Variants in LONP1 observed in about 807,000 individuals in gnomAD.
The protein encoded by LONP1 is lon protease homolog, mitochondrial.
Under a neutral mutation model 98.5 loss-of-function variants are expected in LONP1, and 31 were observed. That is an observed-to-expected ratio of 0.31 (90% confidence interval 0.24 to 0.42). LONP1 has a LOEUF of 0.42. Among genes scored for constraint, LONP1 ranks in the 20% least tolerant of loss-of-function variants. LONP1 has a pLI of 1.00. For missense variants in LONP1, 1,336 were observed against 1,350.6 expected, an observed-to-expected ratio of 0.99 and a Z score of 0.17; for synonymous variants, 781 against 594.7, an observed-to-expected ratio of 1.31 and a Z score of -4.56.
At chr19:5,692,764 T>C (rs953284770) in intron 17 of LONP1, among the ~76,000 whole-genome samples, 4 of 152,202 alleles carry the variant, frequency 2.6e-5, no homozygotes, top group African/African-American at 7.2e-5. Context: ...AGTCTGTGCC[T>C]GGTGTCCAAT....
chr19:5,705,439 C>A lies in LONP1; in HGVS notation c.1367+333G>T, dbSNP rs558066700. ...TGCCACTGCACTCCAGTCTGGACAACTGAGCGAGACTCCATTTCAAAAAAA... is the reference window on the plus strand; with the variant it reads ...TGCCACTGCACTCCAGTCTGGACAAATGAGCGAGACTCCATTTCAAAAAAA... On this transcript the variant is annotated intron_variant, in intron 8 of 17. Coordinates refer to ENST00000360614, the MANE Select transcript of LONP1 (RefSeq NM_004793.4). 4.4e-5 allele frequency among the ~76,000 whole-genome samples: 6 copies of A among 137,480 alleles called. No individual in the cohort carries two copies. In the South Asian group the frequency reaches 6.9e-4, roughly 16 times the overall value. The allele number at this position is 137,480 out of a possible 152,430, so 90.2% of individuals were successfully genotyped here.
chr19:5,696,606 G>C, intron 11 of LONP1, 64 bp downstream of exon 11: 2 of 1,478,384 alleles, frequency 1.4e-6, no homozygotes, highest in Non-Finnish European at 1.9e-6. Flanking sequence ...GACCCGGAAG[G>C]CTCGGCTTCA....
At chr19:5,700,977 GTCTC>G (rs778061576) in intron 8 of LONP1, 50 bp from the exon 9 acceptor site, 2 of 1,608,288 alleles carry the variant, frequency 1.2e-6, no homozygotes, top group African/African-American at 2.7e-5. Flanking sequence ...CGAGCTGCCT[GTCTC>G]TCTGCTGGAC....
rs2055241701 is a variant in LONP1, at chr19:5,711,822, C to T, written c.819G>A (p.Val273=). 4 of 1,612,744 alleles carry T rather than the reference C, an allele frequency of 2.5e-6. No homozygotes were observed. Among genetic ancestry groups the T allele is most frequent in the Non-Finnish European group, 2.5e-6 (3 of 1,179,886 alleles). ...TPELPAEVLM[V]EVENVVHEDF... Reference sequence around the variant, plus strand: ...CCTCGTGGACAACGTTCTCTACCTCCACCATGAGCACCTCAGCCGGGAGCT... The same window carrying T: ...CCTCGTGGACAACGTTCTCTACCTCTACCATGAGCACCTCAGCCGGGAGCT... Residue 273 remains valine, a synonymous_variant, in exon 4 of 18, where the codon GTG becomes GTA. Coordinates refer to ENST00000360614, the MANE Select transcript of LONP1 (RefSeq NM_004793.4).
rs577823016 is a variant in LONP1 at position 5,707,140 on chromosome 19, G to A, written c.1066C>T (p.Pro356Ser). Residue 356 changes from proline (P) to serine (S), a missense_variant, in exon 7 of 18, where the codon CCT becomes TCT. Pro to Ser is a moderately conservative substitution (Grantham distance 74, BLOSUM62 -1). Transcript: ENST00000360614. ...LQDVLEETNI[P>S]KRLYKALSLL... ...GAGAGGGCCTTGTACAGCCGCTTAG[G>A]AATCTGCCGAGACAGGGAGGACAGA... 1.9e-6 allele frequency: 3 copies of A among 1,612,884 alleles called. No individual in the cohort carries two copies. Among genetic ancestry groups the A allele is most frequent in the Non-Finnish European group, 2.5e-6 (3 of 1,179,748 alleles).
intron 8 of LONP1, among the ~76,000 whole-genome samples, chr19:5,703,130 G>A (rs1178140527): frequency 9.5e-5 from 14 of 147,182 alleles, no homozygotes; most frequent in Admixed American, 6.9e-5. Flanking sequence ...GCAGTGAGCC[G>A]AGATCGTGCC....
At chr19:5,693,154 C>T (rs1305296582) in intron 17 of LONP1, 144 bp downstream of exon 17, 2 of 1,007,734 alleles carry the variant, frequency 2.0e-6, no homozygotes, top group African/African-American at 1.6e-5. Context: ...AGCTTAAGGC[C>T]AGCTCCAGGC....
chr19:5,707,226 C>G, intron 6 of LONP1, 83 bp from the exon 7 acceptor site: 1 of 1,110,206 alleles, frequency 9.0e-7, no homozygotes. Flanking sequence ...AAATGCGCAC[C>G]CTGAGAGATG....
At chr19:5,700,413 G>A (rs532243591) in intron 9 of LONP1, among the ~76,000 whole-genome samples, 15 of 152,174 alleles carry the variant, frequency 9.9e-5, no homozygotes, top group African/African-American at 2.4e-4. Context: ...GCGCCCAGCC[G>A]CAATTTTAAA....
At chr19:5,713,056 TG>T in intron 3 of LONP1, 77 bp downstream of exon 3, 1 of 1,596,424 alleles carries the variant, frequency 6.3e-7, no homozygotes. Flanking sequence ...AGGCTGATGC[TG>T]GGGCATAAGG....
intron 1 of LONP1, among the ~76,000 whole-genome samples, chr19:5,718,419 A>G (rs1336897946): frequency 5.3e-5 from 8 of 151,442 alleles, no homozygotes; most frequent in Admixed American, 4.0e-4. Flanking sequence ...CAGAGGTTGC[A>G]GTGAGCTGAA....
intron 15 of LONP1, 116 bp downstream of exon 15, chr19:5,694,271 C>A: frequency 7.2e-7 from 1 of 1,391,366 alleles, no homozygotes; most frequent in Non-Finnish European, 9.7e-7. Flanking sequence ...CCACCCCCCG[C>A]CAGAGGCCGT....
In LONP1 at chr19:5,707,212, G is replaced by A; in HGVS notation, c.1063-69C>T. The A allele has an allele frequency of 3.9e-6, 5 of 1,275,318 alleles. No individual in the cohort carries two copies. The Admixed American group carries it at 7.4e-5, about 19-fold the overall frequency. The allele number at this position is 1,275,318 out of a possible 1,614,324, so 79.0% of individuals were successfully genotyped here. A position where few individuals can be genotyped will look rare whatever the true frequency, so the allele number is the denominator to read the frequency against. On this transcript the variant is annotated intron_variant, in intron 6 of 17. Coordinates refer to ENST00000360614, the MANE Select transcript of LONP1 (RefSeq NM_004793.4). Reference sequence around the variant, plus strand: ...TCTGTGTGTGTAGGGCCGAGGTTGGGGGAAAATGCGCACCCTGAGAGATGC... The same window carrying A: ...TCTGTGTGTGTAGGGCCGAGGTTGGAGGAAAATGCGCACCCTGAGAGATGC...
Position 5,705,752 on chromosome 19 carries a change from GC to G in LONP1, c.1367+19del, listed in dbSNP as rs1568321677. On this transcript the variant is annotated intron_variant, in intron 8 of 17. Transcript: ENST00000360614. ...GGAGGGGTCACCTGAGGGCTGGGCC[GC>G]CCCGGGCCTGGCACTCACTTGAACT... The G allele has an allele frequency of 6.2e-7, 1 of 1,611,072 alleles. No homozygotes were observed. The highest frequency in any genetic ancestry group is 8.5e-7 in the Non-Finnish European group (1 of 1,178,308).
Position 5,694,638 on chromosome 19 carries a change from C to CGGGCACGGGGTGGTGGGGTGAT in LONP1, c.2155-87_2155-86insATCACCCCACCACCCCGTGCCC. ...GGGTGACGGGCACAGAAAGGTGTGA[C>CGGGCACGGGGTGGTGGGGTGAT]GGGCGCGGGGTGGTGGGGTGATGGG... On this transcript the variant is annotated intron_variant, in intron 14 of 17. Transcript: ENST00000360614. 2.6e-6 allele frequency: 4 copies of CGGGCACGGGGTGGTGGGGTGAT among 1,522,926 alleles called. 1 individual carries two copies. The highest frequency in any genetic ancestry group is 2.4e-5 in the South Asian group (2 of 84,254). 94.3% of individuals were successfully genotyped at this position (1,522,926 alleles called of 1,614,324 possible).
At chr19:5,706,835 C>T (rs1051231685) in intron 7 of LONP1, among the ~76,000 whole-genome samples, 1 of 152,256 alleles carries the variant, frequency 6.6e-6, no homozygotes, top group Non-Finnish European at 1.5e-5. Context: ...ACCCTGGGCT[C>T]ATTACACTGG....
intron 1 of LONP1, among the ~76,000 whole-genome samples, chr19:5,715,558 C>T (rs2055302954): frequency 7.6e-6 from 1 of 131,342 alleles, no homozygotes; most frequent in Admixed American, 9.0e-5. Context: ...AGGAGAATGG[C>T]GTGAACCCGG....
intron 2 of LONP1, 146 bp from the exon 3 acceptor site, chr19:5,713,399 G>A (rs1224826315): frequency 1.0e-6 from 1 of 985,108 alleles, no homozygotes; most frequent in Non-Finnish European, 1.5e-6. Context: ...GCTCCCGCAG[G>A]AGCTCCAGAG....
rs2145644284 is a variant in LONP1 at position 5,719,819 on chromosome 19, T to C, written c.314A>G (p.Glu105Gly). The change falls in exon 1 of 18, where the codon GAA becomes GGA. Residue 105 changes from glutamate (E) to glycine (G), a missense_variant. Glu to Gly is a moderately conservative substitution (Grantham distance 98). Around this residue, in one of 5 missense-constraint regions of LONP1, gnomAD observed 457 missense variants for 403.1 expected, o/e 1.13. Transcript: ENST00000360614. Reference sequence around the variant, plus strand: ...CGTGAGCGCCGTTATGACCGGGCCTTCCCCGGCGCCCGCGCTGCCCCCCGC... The same window carrying C: ...CGTGAGCGCCGTTATGACCGGGCCTCCCCCGGCGCCCGCGCTGCCCCCCGC... ...GGAGGSAGAGEGPVITALTPM... is the reference protein window; with the variant it reads ...GGAGGSAGAGGGPVITALTPM... 1 of 1,610,904 alleles carries C rather than the reference T, an allele frequency of 6.2e-7. No homozygotes were observed.
Sources: allele counts gnomAD v4.1 joint callset (sites outside exome capture counted in the v4.1 genomes callset), GRCh38; gene constraint gnomAD v4.1.1; regional missense constraint gnomAD v4.1.1; transcripts MANE v1.5; gene names NCBI Gene and HGNC (gene_info 2026-07-23, HGNC 2026-07-21).